MAP3K20: variants seen among roughly 807,000 people sequenced by gnomAD.
The protein encoded by MAP3K20 is mitogen-activated protein kinase kinase kinase 20, also known as HCCS-4.
In MAP3K20, 40 loss-of-function variants were observed where a neutral mutation model predicts 85.7. The ratio of observed to expected loss-of-function variants is 0.47; its 90% CI spans 0.36 to 0.61. The LOEUF is 0.61. Ranked by LOEUF, MAP3K20 falls within the 20% of genes least tolerant of loss-of-function variation. The pLI is 0.00. For missense variants in MAP3K20, 817 were observed against 961.7 expected (o/e 0.85, Z 1.99); for synonymous variants, 325 against 327.7 (o/e 0.99, Z 0.09).
Position 173,166,049 on chromosome 2 carries a change from A to G in MAP3K20, c.160-3756A>G, listed in dbSNP as rs549608450. Among the ~76,000 whole-genome samples, 7 of 152,132 alleles carry G rather than the reference A, an allele frequency of 4.6e-5. No homozygotes were observed. In the South Asian group the frequency reaches 1.2e-3, roughly 27 times the overall value. ...GTTTACAAAAATTTTCATCACCCCA[A>G]ACAGAAACGCTGTACCCATTAAGCA... On this transcript the variant is annotated intron_variant, in intron 2 of 19. Transcript: ENST00000375213.
chr2:173,111,924 G>A (rs936319030), intron 2 of MAP3K20, among the ~76,000 whole-genome samples: 15 of 152,036 alleles, frequency 9.9e-5, no homozygotes, highest in African/African-American at 3.6e-4. Flanking sequence ...GTGAATTTTA[G>A]AATTGTTTTT....
intron 11 of MAP3K20, among the ~76,000 whole-genome samples, chr2:173,228,340 G>GT (rs1407830699): frequency 6.6e-6 from 1 of 151,728 alleles, no homozygotes; most frequent in East Asian, 1.9e-4. Flanking sequence ...GCCATGCCAG[G>GT]TTTTGCCTTG....
chr2:173,213,950 T>A (rs1402965716), intron 10 of MAP3K20, among the ~76,000 whole-genome samples: 1 of 152,162 alleles, frequency 6.6e-6, no homozygotes, highest in Non-Finnish European at 1.5e-5. Context: ...AACTTTTATC[T>A]AGTGTCTGAA....
intron 1 of MAP3K20, among the ~76,000 whole-genome samples, chr2:173,082,247 A>G (rs1197041115): frequency 1.3e-5 from 2 of 152,152 alleles, no homozygotes; most frequent in East Asian, 3.9e-4. Flanking sequence ...ACCTCAAGCG[A>G]TACTCCCACT....
chr2:173,139,840 G>A (rs1335589482), intron 2 of MAP3K20, among the ~76,000 whole-genome samples: 1 of 152,034 alleles, frequency 6.6e-6, no homozygotes, highest in East Asian at 1.9e-4. Flanking sequence ...TTTGTTTACT[G>A]TGACCCTGCT....
At chr2:173,213,309 C>T (rs1048926042) in intron 10 of MAP3K20, among the ~76,000 whole-genome samples, 3 of 152,008 alleles carry the variant, frequency 2.0e-5, no homozygotes, top group Non-Finnish European at 2.9e-5. Context: ...TAGTAAAAGG[C>T]GTACAGTTGC....
At chr2:173,080,215 A>G (rs1394347776) in intron 1 of MAP3K20, among the ~76,000 whole-genome samples, 4 of 152,240 alleles carry the variant, frequency 2.6e-5, no homozygotes, top group East Asian at 3.8e-4. Flanking sequence ...TATGTGGTGC[A>G]TGACTTTATG....
chr2:173,181,593 T>C (rs1453796425), intron 3 of MAP3K20, among the ~76,000 whole-genome samples: 2 of 152,182 alleles, frequency 1.3e-5, no homozygotes, highest in Non-Finnish European at 2.9e-5. Flanking sequence ...CAAATGTTCA[T>C]AGGAGCATTA....
intron 3 of MAP3K20, among the ~76,000 whole-genome samples, chr2:173,173,085 C>A (rs1182632784): frequency 1.4e-4 from 21 of 152,050 alleles, no homozygotes; most frequent in Admixed American, 1.4e-3. Flanking sequence ...CCACCGCGCC[C>A]AGCCTGGATC....
intron 2 of MAP3K20, among the ~76,000 whole-genome samples, chr2:173,128,305 T>TAGTTA (rs146464684): frequency 0.094 from 13,331 of 141,492 alleles, 733 homozygotes; most frequent in African/African-American, 0.15. Context: ...GAAAACATTA[T>TAGTTA]AGTTGACTTA....
At chr2:173,184,652 T>C (rs1690431648) in intron 4 of MAP3K20, among the ~76,000 whole-genome samples, 1 of 152,172 alleles carries the variant, frequency 6.6e-6, no homozygotes, top group Non-Finnish European at 1.5e-5. Context: ...CTCATGCCTA[T>C]AATCCCAGCA....
rs748844488 is a variant in MAP3K20, at chr2:173,266,883, T to C, written c.*133T>C. 1.4e-5 allele frequency: 13 copies of C among 934,050 alleles called. No homozygotes were observed. Among genetic ancestry groups the C allele is most frequent in the African/African-American group, 5.0e-5 (3 of 59,688 alleles). The allele number at this position is 934,050 out of a possible 1,614,324, so 57.9% of individuals were successfully genotyped here. A position where few individuals can be genotyped will look rare whatever the true frequency, so the allele number is the denominator to read the frequency against. On this transcript the variant is annotated 3_prime_UTR_variant, in exon 20 of 20. Transcript: ENST00000375213. ...CACTTCCAGTTTTTGGATTGGGAAA[T>C]ACCTTCTAATTGAGACTATAGCCAA...
intron 11 of MAP3K20, chr2:173,227,062 G>C: frequency 1.0e-6 from 1 of 985,832 alleles, no homozygotes; most frequent in Non-Finnish European, 1.2e-6. Flanking sequence ...CCAAGTTGGT[G>C]TCATACATTT....
At position 173,113,347 on chromosome 2, in the gene MAP3K20, T is replaced by C. The variant is rs184028263; in HGVS notation, c.159+22157T>C. ...TATTTATCTTTTCAAAGGACCAGCTTTTTGGTTCATTTATCTTTTGTATTT... is the reference window on the plus strand; with the variant it reads ...TATTTATCTTTTCAAAGGACCAGCTCTTTGGTTCATTTATCTTTTGTATTT... On this transcript the variant is annotated intron_variant, in intron 2 of 19. Transcript: ENST00000375213. Among the ~76,000 whole-genome samples the C allele has an allele frequency of 3.1e-3, 465 of 152,274 alleles. 1 individual carries two copies. Among genetic ancestry groups the C allele is most frequent in the Middle Eastern group, 0.027 (8 of 294 alleles).
rs538792448 is a variant in MAP3K20 at position 173,170,583 on chromosome 2, G to A, written c.247+691G>A. 9.2e-5 allele frequency among the ~76,000 whole-genome samples: 14 copies of A among 151,994 alleles called. No homozygotes were observed. The Middle Eastern group carries it at 0.01, about 111-fold the overall frequency. On this transcript the variant is annotated intron_variant, in intron 3 of 19. Coordinates refer to ENST00000375213, the MANE Select transcript of MAP3K20 (RefSeq NM_016653.3). ...TTGATCTTTATCTTGGCAAATCTTT[G>A]ATTAAAACAAAGTCAAACAAGAAAA...
chr2:173,197,875 TTG>T, intron 7 of MAP3K20, 149 bp from the exon 8 acceptor site: 1 of 466,456 alleles, frequency 2.1e-6, no homozygotes, highest in Non-Finnish European at 3.7e-6. Context: ...ATAGAAGAAG[TTG>T]TGTGCTTAAT....
chr2:173,105,779 T>G (rs758683035), intron 2 of MAP3K20, among the ~76,000 whole-genome samples: 14 of 152,180 alleles, frequency 9.2e-5, no homozygotes, highest in South Asian at 8.3e-4. Flanking sequence ...GAATTATTGT[T>G]TGATAGGTAT....
intron 2 of MAP3K20, among the ~76,000 whole-genome samples, chr2:173,145,738 GTCA>G (rs1214877169): frequency 6.6e-6 from 1 of 152,028 alleles, no homozygotes; most frequent in East Asian, 1.9e-4. Flanking sequence ...TACCCTATGA[GTCA>G]TCAATTCAAC....
At chr2:173,107,827 C>T (rs1687826897) in intron 2 of MAP3K20, among the ~76,000 whole-genome samples, 1 of 152,166 alleles carries the variant, frequency 6.6e-6, no homozygotes, top group Non-Finnish European at 1.5e-5. Flanking sequence ...GTGCCTGGCT[C>T]CTACTCAGCT....
Sources: gnomAD v4.1 joint callset for allele counts (sites outside exome capture counted in the v4.1 genomes callset) on GRCh38, gnomAD v4.1.1 for gene constraint, MANE v1.5 for transcripts, NCBI Gene and HGNC (gene_info 2026-07-23, HGNC 2026-07-21) for gene names.